SFMBT1: variants seen among roughly 807,000 people sequenced by gnomAD.
The protein encoded by SFMBT1 is scm-like with four MBT domains protein 1.
Under a neutral mutation model 108.7 loss-of-function variants are expected in SFMBT1, and 32 were observed. The ratio of observed to expected loss-of-function variants is 0.29; its 90% CI spans 0.22 to 0.40. SFMBT1 has a LOEUF of 0.40. SFMBT1 is among the 10% of genes least tolerant of loss of function. The pLI is 1.00. For synonymous variants in SFMBT1, 348 were observed against 369.5 expected (o/e 0.94, Z 0.67); for missense variants, 816 against 1,059.6 (o/e 0.77, Z 3.19).
chr3:52,953,331 T>C (rs986298770), intron 3 of SFMBT1, among the ~76,000 whole-genome samples: 2 of 152,002 alleles, frequency 1.3e-5, no homozygotes, highest in African/African-American at 4.8e-5. Context: ...TGTACACCTG[T>C]AGTCCCAGTT....
At position 52,909,370 on chromosome 3, in the gene SFMBT1, A is replaced by G. The variant is rs2106761122; in HGVS notation, c.1906+1633T>C. 1.3e-5 allele frequency among the ~76,000 whole-genome samples: 2 copies of G among 152,368 alleles called. 1 individual carries two copies. Reference sequence around the variant, plus strand: ...TAAACTAAGTGCTGAGTCTGATACAAGAAGCTAAGATAATTCCTACTCTTA... The same window carrying G: ...TAAACTAAGTGCTGAGTCTGATACAGGAAGCTAAGATAATTCCTACTCTTA... On this transcript the variant is annotated intron_variant, in intron 17 of 20. Transcript: ENST00000394752.
intron 12 of SFMBT1, among the ~76,000 whole-genome samples, chr3:52,918,794 G>A (rs1264093483): frequency 1.3e-5 from 2 of 152,094 alleles, no homozygotes; most frequent in Non-Finnish European, 2.9e-5. Flanking sequence ...CCCTGGGTCA[G>A]TAAGTGTTGG....
At chr3:52,962,574 G>T (rs1360650147) in intron 2 of SFMBT1, among the ~76,000 whole-genome samples, 1 of 152,086 alleles carries the variant, frequency 6.6e-6, no homozygotes, top group Non-Finnish European at 1.5e-5. Flanking sequence ...GGGAGGCCGA[G>T]GTGGGTGGAT....
chr3:52,924,616 T>C (rs895445301), intron 10 of SFMBT1, among the ~76,000 whole-genome samples: 3 of 151,776 alleles, frequency 2.0e-5, no homozygotes, highest in Non-Finnish European at 2.9e-5. Flanking sequence ...CACTCCAGCC[T>C]GGGCGACAAG....
At chr3:53,017,215 C>T (rs1368797965) in intron 1 of SFMBT1, among the ~76,000 whole-genome samples, 1 of 152,186 alleles carries the variant, frequency 6.6e-6, no homozygotes. Flanking sequence ...GGATCCATGC[C>T]TGTCTAATCT....
intron 3 of SFMBT1, among the ~76,000 whole-genome samples, chr3:52,947,875 C>G (rs1441428298): frequency 6.6e-6 from 1 of 152,102 alleles, no homozygotes; most frequent in Non-Finnish European, 1.5e-5. Context: ...GCTGGGACTA[C>G]AGGCATGCAC....
intron 1 of SFMBT1, among the ~76,000 whole-genome samples, chr3:52,978,512 T>G (rs1416988884): frequency 6.6e-6 from 1 of 152,116 alleles, no homozygotes; most frequent in Non-Finnish European, 1.5e-5. Context: ...AAGGCAATGT[T>G]GGTGGGAATG....
intron 9 of SFMBT1, 43 bp downstream of exon 9, chr3:52,928,148 G>A: frequency 4.4e-6 from 7 of 1,588,778 alleles, no homozygotes; most frequent in Non-Finnish European, 6.0e-6. Flanking sequence ...TCATTTCAAG[G>A]AGAAGCTCTC....
Position 53,001,944 on chromosome 3 carries a change from C to T in SFMBT1, c.-130-32686G>A, listed in dbSNP as rs1698569778. Among the ~76,000 whole-genome samples the T allele has an allele frequency of 2.1e-5, 3 of 141,660 alleles. 1 individual carries two copies. Among genetic ancestry groups the T allele is most frequent in the African/African-American group, 5.6e-5 (2 of 35,484 alleles). The allele number at this position is 141,660 out of a possible 152,430, so 92.9% of individuals were successfully genotyped here. ...AGTCTCTCACACACACACACACACA[C>T]ACACACACACACACACACACACACA... On this transcript the variant is annotated intron_variant, in intron 1 of 20. Coordinates refer to ENST00000394752, the MANE Select transcript of SFMBT1 (RefSeq NM_016329.4).
In SFMBT1 at chr3:52,916,169, C is replaced by T. The variant is rs142800892; in HGVS notation, c.1461G>A (p.Glu487=). Reference sequence around the variant, plus strand: ...TTATACCTGACTCTGTGGAGTTCAGCTCCTGATTCCTCAGGCCCTCGTGGA... The same window carrying T: ...TTATACCTGACTCTGTGGAGTTCAGTTCCTGATTCCTCAGGCCCTCGTGGA... ...RTVHEGLRNQ[E]LNSTESVMIN... is the part of the protein sequence containing the mutation. Residue 487 remains glutamate, a synonymous_variant, in exon 14 of 21, where the codon GAG becomes GAA. Transcript: ENST00000394752. 3 of 1,614,050 alleles carry T rather than the reference C, an allele frequency of 1.9e-6. No homozygotes were observed. The highest frequency in any genetic ancestry group is 4.5e-5 in the East Asian group (2 of 44,874).
rs1342017326 is a variant in SFMBT1 at position 53,002,216 on chromosome 3, C to A, written c.-130-32958G>T. Reference sequence around the variant, plus strand: ...GAGATCGAGACCATCCTGGCTAACACGGCGAAACCTGTCTCTACTAAAAAT... The same window carrying A: ...GAGATCGAGACCATCCTGGCTAACAAGGCGAAACCTGTCTCTACTAAAAAT... On this transcript the variant is annotated intron_variant, in intron 1 of 20. Coordinates refer to ENST00000394752, the MANE Select transcript of SFMBT1 (RefSeq NM_016329.4). 2.7e-5 allele frequency among the ~76,000 whole-genome samples: 4 copies of A among 149,046 alleles called. 1 individual carries two copies.
At chr3:52,914,742 TCAAAA>T (rs892037072) in intron 14 of SFMBT1, among the ~76,000 whole-genome samples, 1 of 152,194 alleles carries the variant, frequency 6.6e-6, no homozygotes, top group Non-Finnish European at 1.5e-5. Flanking sequence ...AGACCCTGTC[TCAAAA>T]CAAAACAAAA....
chr3:52,928,702 T>A (rs1180046140), intron 8 of SFMBT1, among the ~76,000 whole-genome samples: 1 of 147,140 alleles, frequency 6.8e-6, no homozygotes, highest in Non-Finnish European at 1.5e-5. Context: ...ATAGTTTGTT[T>A]GTTTTTTTTT....
chr3:52,993,714 A>G (rs1698215235), intron 1 of SFMBT1, among the ~76,000 whole-genome samples: 1 of 150,374 alleles, frequency 6.7e-6, no homozygotes, highest in Admixed American at 6.7e-5. Flanking sequence ...AAAATTGTGA[A>G]AAGAGTTAAG....
intron 1 of SFMBT1, chr3:53,045,348 C>A (rs1342815320): frequency 7.2e-6 from 1 of 139,746 alleles, no homozygotes. Flanking sequence ...GGCGGGTCCG[C>A]GGGGGCTCGG....
At position 52,916,099 on chromosome 3, in the gene SFMBT1, C is replaced by T. The variant is rs528996739; in HGVS notation, c.1480+51G>A. 229 of 1,453,162 alleles carry T rather than the reference C, an allele frequency of 1.6e-4. 3 individuals carry two copies. Among genetic ancestry groups the T allele is most frequent in the Middle Eastern group, 8.7e-4 (5 of 5,728 alleles). The allele number at this position is 1,453,162 out of a possible 1,614,324, so 90.0% of individuals were successfully genotyped here. Reference sequence around the variant, plus strand: ...GTTTTAAGTTATTTTCAGATATAGTCCATTAAAAGAAACTAAGTCTTCTTT... The same window carrying T: ...GTTTTAAGTTATTTTCAGATATAGTTCATTAAAAGAAACTAAGTCTTCTTT... On this transcript the variant is annotated intron_variant, in intron 14 of 20. Coordinates refer to ENST00000394752, the MANE Select transcript of SFMBT1 (RefSeq NM_016329.4).
chr3:52,914,633 A>G (rs756116241), intron 14 of SFMBT1, among the ~76,000 whole-genome samples: 2 of 152,130 alleles, frequency 1.3e-5, no homozygotes, highest in Non-Finnish European at 2.9e-5. Flanking sequence ...AGTCCCAGCT[A>G]CTCGGGAGGC....
At chr3:52,930,215 G>T (rs1216512016) in intron 8 of SFMBT1, 114 bp downstream of exon 8, 3 of 683,576 alleles carry the variant, frequency 4.4e-6, no homozygotes, top group Non-Finnish European at 7.8e-6. Flanking sequence ...TAGCTGCACG[G>T]CCTAGAAGGA....
chr3:52,938,641 T>TG (rs1374575311), intron 4 of SFMBT1, among the ~76,000 whole-genome samples: 1 of 150,992 alleles, frequency 6.6e-6, no homozygotes, highest in East Asian at 1.9e-4. Context: ...ATAAAGCTGT[T>TG]TTTTTTTTTA....
Sources: allele counts gnomAD v4.1 joint callset (sites outside exome capture counted in the v4.1 genomes callset), GRCh38; gene constraint gnomAD v4.1.1; transcripts MANE v1.5; gene names NCBI Gene and HGNC (gene_info 2026-07-23, HGNC 2026-07-21).